Variants in PCDH9 observed in about 807,000 individuals in gnomAD.
PCDH9 encodes protocadherin 9.
A neutral mutation model predicts 70.6 loss-of-function variants in PCDH9; 24 were observed. The observed-to-expected ratio is 0.34, with a 90% CI of 0.25 to 0.48. The LOEUF (loss-of-function observed/expected upper bound fraction) is 0.48. Among genes scored for constraint, PCDH9 ranks in the 20% least tolerant of loss-of-function variants. The pLI, the probability that PCDH9 is intolerant of heterozygous loss-of-function variation, is 0.99. For synonymous variants in PCDH9, 562 were observed against 558.5 expected (o/e 1.01, Z -0.09); for missense variants, 1,281 against 1,503.6 (o/e 0.85, Z 2.45).
At position 66,915,252 on chromosome 13, in the gene PCDH9, A is replaced by G. The variant is rs1358624824; in HGVS notation, c.3037-11647T>C. Among the ~76,000 whole-genome samples the G allele has an allele frequency of 4.0e-5, 6 of 151,788 alleles. No individual in the cohort carries two copies. The South Asian group carries it at 1.0e-3, about 26-fold the overall frequency. ...ATACATTCTAATAATTTTAGGAAAA[A>G]CAATATATAAAGTCTGATTATTTAT... On this transcript the variant is annotated intron_variant, in intron 2 of 4. Coordinates refer to ENST00000377865, the MANE Select transcript of PCDH9 (RefSeq NM_203487.3).
In PCDH9 at chr13:67,181,540, G is replaced by A. The variant is rs557343018; in HGVS notation, c.3036+43865C>T. Among the ~76,000 whole-genome samples the A allele has an allele frequency of 1.4e-3, 206 of 152,220 alleles. 2 individuals carry two copies. The highest frequency in any genetic ancestry group is 2.6e-3 in the Non-Finnish European group (175 of 68,000). ...AATTATTTTCTAACTTGCTAATATG[G>A]TATGACATAATAATGCTTTGTAGGT... On this transcript the variant is annotated intron_variant, in intron 2 of 4. Transcript: ENST00000377865.
chr13:66,389,709 A>G (rs1446195024), intron 4 of PCDH9, among the ~76,000 whole-genome samples: 1 of 152,160 alleles, frequency 6.6e-6, no homozygotes, highest in African/African-American at 2.4e-5. Flanking sequence ...AGGGGTCTAA[A>G]TGTAATATCA....
intron 4 of PCDH9, among the ~76,000 whole-genome samples, chr13:66,332,431 A>G (rs1955960840): frequency 6.6e-6 from 1 of 152,170 alleles, no homozygotes. Context: ...TATTGAATCA[A>G]TGGAGCTCAC....
rs552341813 is a variant in PCDH9 at position 67,225,897 on chromosome 13, C to T, written c.2544G>A (p.Gln848=). ...TCCATTCGGCACCTTGCTTGCTCCT[C>T]TGAGCTGCTTTGAACCTTGATGCAT... ...CRHASRFKAA[Q]RSKQGAEWMS... The change falls in exon 2 of 5, where the codon CAG becomes CAA. Residue 848 remains glutamine, a synonymous_variant. Coordinates refer to ENST00000377865, the MANE Select transcript of PCDH9 (RefSeq NM_203487.3). 51 of 1,614,094 alleles carry T rather than the reference C, an allele frequency of 3.2e-5. No homozygotes were observed. The highest frequency in any genetic ancestry group is 3.3e-5 in the Admixed American group (2 of 60,022).
At chr13:67,197,613 T>C (rs1402041143) in intron 2 of PCDH9, among the ~76,000 whole-genome samples, 1 of 151,972 alleles carries the variant, frequency 6.6e-6, no homozygotes, top group African/African-American at 2.4e-5. Context: ...GTATATGAAT[T>C]TTTCTGGAGC....
At chr13:66,378,105 T>C (rs1182528290) in intron 4 of PCDH9, among the ~76,000 whole-genome samples, 5 of 152,206 alleles carry the variant, frequency 3.3e-5, no homozygotes, top group Non-Finnish European at 5.9e-5. Flanking sequence ...TACATTTTTC[T>C]ATTCCTCTTT....
intron 4 of PCDH9, among the ~76,000 whole-genome samples, chr13:66,445,753 T>C (rs969345364): frequency 6.8e-6 from 1 of 146,068 alleles, no homozygotes; most frequent in Non-Finnish European, 1.5e-5. Context: ...TATACACATA[T>C]ATAATACATA....
chr13:66,812,200 A>G (rs1432052236), intron 3 of PCDH9, among the ~76,000 whole-genome samples: 1 of 152,200 alleles, frequency 6.6e-6, no homozygotes, highest in African/African-American at 2.4e-5. Context: ...CATAATAACT[A>G]TGAGAGTTTT....
chr13:66,409,540 T>C (rs1028326823), intron 4 of PCDH9, among the ~76,000 whole-genome samples: 3 of 149,190 alleles, frequency 2.0e-5, no homozygotes, highest in Non-Finnish European at 4.5e-5. Flanking sequence ...TATTACAAAT[T>C]CTCCGACTTA....
intron 3 of PCDH9, among the ~76,000 whole-genome samples, chr13:66,748,478 G>T (rs943517732): frequency 7.9e-5 from 12 of 152,212 alleles, no homozygotes; most frequent in African/African-American, 2.9e-4. Flanking sequence ...CTTAGAAGTG[G>T]TCATGTATTT....
intron 2 of PCDH9, among the ~76,000 whole-genome samples, chr13:67,011,857 A>T (rs55794233): frequency 0.15 from 22,993 of 151,802 alleles, 1,920 homozygotes; most frequent in Middle Eastern, 0.23. Context: ...CGCTACTAAT[A>T]TCAGTAAACC....
chr13:66,424,072 C>T (rs1957621873), intron 4 of PCDH9, among the ~76,000 whole-genome samples: 1 of 152,090 alleles, frequency 6.6e-6, no homozygotes, highest in Non-Finnish European at 1.5e-5. Flanking sequence ...AACTCCCATT[C>T]ACAATTGCTA....
At chr13:66,409,958 C>T (rs1388733781) in intron 4 of PCDH9, among the ~76,000 whole-genome samples, 5 of 152,164 alleles carry the variant, frequency 3.3e-5, no homozygotes, top group Non-Finnish European at 7.4e-5. Flanking sequence ...CACCTAACAG[C>T]AGTGAGAAGC....
chr13:66,502,167 T>A (rs1390667640), intron 4 of PCDH9, among the ~76,000 whole-genome samples: 1 of 152,174 alleles, frequency 6.6e-6, no homozygotes, highest in East Asian at 1.9e-4. Flanking sequence ...AAATTTTAAA[T>A]GTAAAAGTGA....
intron 3 of PCDH9, among the ~76,000 whole-genome samples, chr13:66,678,718 A>C (rs1206425832): frequency 5.9e-5 from 9 of 151,998 alleles, no homozygotes; most frequent in Non-Finnish European, 1.3e-4. Flanking sequence ...ACTTGCTAAA[A>C]AATTCTGTTG....
At chr13:66,715,758 A>G (rs1007241852) in intron 3 of PCDH9, among the ~76,000 whole-genome samples, 2 of 152,230 alleles carry the variant, frequency 1.3e-5, no homozygotes, top group African/African-American at 4.8e-5. Flanking sequence ...AAATGCAACA[A>G]TAACCAGATA....
In PCDH9 at chr13:66,710,567, C is replaced by G. The variant is rs548637382; in HGVS notation, c.3139-79156G>C. 2.0e-5 allele frequency among the ~76,000 whole-genome samples: 3 copies of G among 152,262 alleles called. No individual in the cohort carries two copies. In the South Asian group the frequency reaches 6.2e-4, roughly 32 times the overall value. ...ATGGGTATCAACAGAAATGTTATTACAAACATAATGTACTCTGTTTTTTAT... is the reference window on the plus strand; with the variant it reads ...ATGGGTATCAACAGAAATGTTATTAGAAACATAATGTACTCTGTTTTTTAT... On this transcript the variant is annotated intron_variant, in intron 3 of 4. Coordinates refer to ENST00000377865, the MANE Select transcript of PCDH9 (RefSeq NM_203487.3).
intron 2 of PCDH9, among the ~76,000 whole-genome samples, chr13:67,174,310 G>GATACATAC (rs567593126): frequency 0.013 from 1,947 of 149,574 alleles, 49 homozygotes; most frequent in African/African-American, 0.035. Context: ...TAGATAGATA[G>GATACATAC]ATAGATACAT....
chr13:66,683,884 G>T (rs1349161591), intron 3 of PCDH9, among the ~76,000 whole-genome samples: 1 of 152,080 alleles, frequency 6.6e-6, no homozygotes, highest in Non-Finnish European at 1.5e-5. Context: ...AAGGAATGTA[G>T]TTCATAGTGA....
Sources: gnomAD v4.1 joint callset for allele counts (sites outside exome capture counted in the v4.1 genomes callset) on GRCh38, gnomAD v4.1.1 for gene constraint, MANE v1.5 for transcripts, NCBI Gene and HGNC (gene_info 2026-07-23, HGNC 2026-07-21) for gene names.